Variants in PARD3B observed in about 807,000 individuals in gnomAD.
The protein encoded by PARD3B is partitioning defective 3 homolog B.
A neutral mutation model predicts 130.2 loss-of-function variants in PARD3B; 103 were observed. The observed-to-expected ratio is 0.79, with a 90% confidence interval of 0.67 to 0.93. PARD3B has a LOEUF of 0.93. Among genes scored for constraint, PARD3B ranks in the 40% least tolerant of loss-of-function variants. The probability of loss-of-function intolerance (pLI) is 0.00; values close to 1 mark genes in which losing one functional copy is unlikely to be tolerated. For synonymous variants in PARD3B, 583 were observed against 553.2 expected (o/e 1.05, Z -0.76); for missense variants, 1,609 against 1,499.2 (o/e 1.07, Z -1.21).
chr2:204,830,509 A>G (rs972937594), intron 2 of PARD3B, among the ~76,000 whole-genome samples: 1 of 152,220 alleles, frequency 6.6e-6, no homozygotes, highest in African/African-American at 2.4e-5. Context: ...TAATGTTTAT[A>G]TAGTGAAGAA....
intron 1 of PARD3B, among the ~76,000 whole-genome samples, chr2:204,598,577 C>T (rs914760761): frequency 6.6e-6 from 1 of 151,994 alleles, no homozygotes; most frequent in Admixed American, 6.6e-5. Context: ...AAGATTAGAA[C>T]AATACCAGAC....
At chr2:205,096,490 T>A (rs115263104) in intron 4 of PARD3B, among the ~76,000 whole-genome samples, 457 of 152,286 alleles carry the variant, frequency 3.0e-3, no homozygotes, top group African/African-American at 8.8e-3. Context: ...TTATATTGAT[T>A]ATCAATGGGA....
At chr2:204,811,253 ACCTGT>A (rs2042951464) in intron 2 of PARD3B, among the ~76,000 whole-genome samples, 1 of 151,528 alleles carries the variant, frequency 6.6e-6, no homozygotes, top group Admixed American at 6.6e-5. Flanking sequence ...ATGGAGTTCT[ACCTGT>A]GTCTCTCAAT....
intron 19 of PARD3B, among the ~76,000 whole-genome samples, chr2:205,436,169 G>A (rs149052931): frequency 9.2e-5 from 14 of 152,258 alleles, no homozygotes; most frequent in African/African-American, 3.1e-4. Flanking sequence ...ATCTTTTCAC[G>A]ATGGCTTAGT....
At chr2:205,527,214 T>G (rs1016403939) in intron 21 of PARD3B, among the ~76,000 whole-genome samples, 1 of 152,184 alleles carries the variant, frequency 6.6e-6, no homozygotes, top group Non-Finnish European at 1.5e-5. Flanking sequence ...TTAAACACTC[T>G]ATTTGGAAAC....
chr2:204,611,428 G>A lies in PARD3B; in HGVS notation c.120+65309G>A, dbSNP rs193122924. Among the ~76,000 whole-genome samples the A allele has an allele frequency of 1.2e-4, 19 of 152,270 alleles. No homozygotes were observed. In the East Asian group the frequency reaches 3.5e-3, roughly 28 times the overall value. ...GACTTCTACCTTTTATCTCGCTTTC[G>A]ACTCTAAGGTAGCATTCCATTCTCT... is the stretch of plus-strand genomic sequence containing the variant. On this transcript the variant is annotated intron_variant, in intron 1 of 22. Transcript: ENST00000406610.
chr2:205,200,210 A>C (rs1048543823), intron 15 of PARD3B, among the ~76,000 whole-genome samples: 1 of 152,232 alleles, frequency 6.6e-6, no homozygotes, highest in Non-Finnish European at 1.5e-5. Flanking sequence ...TGTGCTAATT[A>C]ATGTCTCATT....
chr2:205,337,399 A>G (rs1227432840), intron 18 of PARD3B, among the ~76,000 whole-genome samples: 2 of 152,206 alleles, frequency 1.3e-5, no homozygotes, highest in Non-Finnish European at 2.9e-5. Flanking sequence ...TATTGTCTCA[A>G]TTCCAATTCA....
chr2:205,535,915 G>GGTTATAAACATTTTCTGGTTCCA (rs2051833085), intron 21 of PARD3B, among the ~76,000 whole-genome samples: 1 of 152,128 alleles, frequency 6.6e-6, no homozygotes, highest in East Asian at 1.9e-4. Flanking sequence ...ATTTCCTGGT[G>GGTTATAAACATTTTCTGGTTCCA]TTTTCTCCTT....
Position 204,816,885 on chromosome 2 carries a change from G to A in PARD3B, c.222+130603G>A, listed in dbSNP as rs148999110. Among the ~76,000 whole-genome samples, 587 of 151,994 alleles carry A rather than the reference G, an allele frequency of 3.9e-3. 5 individuals are homozygous for A. The highest frequency in any genetic ancestry group is 0.013 in the African/African-American group (548 of 41,492). On this transcript the variant is annotated intron_variant, in intron 2 of 22. Coordinates refer to ENST00000406610, the MANE Select transcript of PARD3B (RefSeq NM_001302769.2). ...CATGTGTATTCAGCTCCTTTAAGCTGCCCCACAGCCTACAGATTGTATTTT... is the reference window on the plus strand; with the variant it reads ...CATGTGTATTCAGCTCCTTTAAGCTACCCCACAGCCTACAGATTGTATTTT...
At chr2:204,909,728 T>A (rs2047165705) in intron 2 of PARD3B, among the ~76,000 whole-genome samples, 1 of 152,206 alleles carries the variant, frequency 6.6e-6, no homozygotes, top group African/African-American at 2.4e-5. Flanking sequence ...GCACAGAGTT[T>A]CGGAAGGAAG....
At chr2:205,167,742 C>T (rs986740442) in intron 11 of PARD3B, among the ~76,000 whole-genome samples, 1 of 152,182 alleles carries the variant, frequency 6.6e-6, no homozygotes, top group Non-Finnish European at 1.5e-5. Context: ...GGATTCATGT[C>T]ATTAACCTGA....
chr2:205,579,062 A>G (rs1169876594), intron 22 of PARD3B, among the ~76,000 whole-genome samples: 1 of 152,246 alleles, frequency 6.6e-6, no homozygotes. Context: ...AAACGTAAAA[A>G]TGTAAATATT....
chr2:204,706,699 A>G (rs957159334), intron 2 of PARD3B, among the ~76,000 whole-genome samples: 3 of 152,160 alleles, frequency 2.0e-5, no homozygotes, highest in Non-Finnish European at 2.9e-5. Flanking sequence ...ATAAAGAGGG[A>G]CTGGAAGTCC....
intron 2 of PARD3B, among the ~76,000 whole-genome samples, chr2:204,805,993 AC>A (rs1477989448): frequency 6.6e-6 from 1 of 152,170 alleles, no homozygotes; most frequent in Non-Finnish European, 1.5e-5. Flanking sequence ...TGAAGAGGAC[AC>A]AAAAAATGAA....
chr2:205,248,588 T>C (rs951620989), intron 16 of PARD3B, among the ~76,000 whole-genome samples: 1 of 151,454 alleles, frequency 6.6e-6, no homozygotes, highest in Non-Finnish European at 1.5e-5. Flanking sequence ...AAATCTCTAC[T>C]TGTCTCACCA....
At chr2:204,917,937 G>T (rs980466549) in intron 2 of PARD3B, among the ~76,000 whole-genome samples, 4 of 152,026 alleles carry the variant, frequency 2.6e-5, no homozygotes, top group African/African-American at 4.8e-5. Flanking sequence ...AGAATTTGCA[G>T]TTTGGAATAG....
chr2:205,469,519 A>T (rs2048750054), intron 20 of PARD3B, among the ~76,000 whole-genome samples: 1 of 152,128 alleles, frequency 6.6e-6, no homozygotes. Flanking sequence ...ACAGCAGGTG[A>T]CTTTTTCACC....
chr2:205,137,221 C>A (rs1447268829), intron 10 of PARD3B, among the ~76,000 whole-genome samples: 1 of 152,022 alleles, frequency 6.6e-6, no homozygotes, highest in Admixed American at 6.5e-5. Context: ...AGTCAAAGGA[C>A]TTTAAAATCA....
Sources: gnomAD v4.1 joint callset for allele counts (sites outside exome capture counted in the v4.1 genomes callset) on GRCh38, gnomAD v4.1.1 for gene constraint, MANE v1.5 for transcripts, NCBI Gene and HGNC (gene_info 2026-07-23, HGNC 2026-07-21) for gene names.